The following CDK6 variants were observed in gnomAD, a reference collection of about 807,000 sequenced individuals.
The protein encoded by CDK6 is cyclin-dependent kinase 6.
Under a neutral mutation model 37.1 loss-of-function variants are expected in CDK6, and 6 were observed. That is an observed-to-expected ratio of 0.16 (90% confidence interval 0.09 to 0.32). The LOEUF is 0.32. CDK6 is among the 10% of genes least tolerant of loss of function. CDK6 has a pLI of 1.00. For synonymous variants in CDK6, 160 were observed against 161.3 expected (o/e 0.99, Z 0.06); for missense variants, 224 against 418.9 (o/e 0.53, Z 4.06).
rs145788268 is a variant in CDK6 at position 92,697,066 on chromosome 7, T to C, written c.538-25531A>G. On this transcript the variant is annotated intron_variant, in intron 4 of 7. Coordinates refer to ENST00000424848, the MANE Select transcript of CDK6 (RefSeq NM_001145306.2). Reference sequence around the variant, plus strand: ...TGTATACTATAGCTGGAAGTCATCTTAGGAATATTTGAGAGAACTGTTTTT... The same window carrying C: ...TGTATACTATAGCTGGAAGTCATCTCAGGAATATTTGAGAGAACTGTTTTT... 2.0e-5 allele frequency among the ~76,000 whole-genome samples: 3 copies of C among 152,308 alleles called. No individual in the cohort carries two copies. The East Asian group carries it at 5.8e-4, about 29-fold the overall frequency.
rs1001350131 is a variant in CDK6, at chr7:92,778,170, G to A, written c.234-3339C>T. Among the ~76,000 whole-genome samples, 2 of 151,570 alleles carry A rather than the reference G, an allele frequency of 1.3e-5. 1 individual carries two copies. Among genetic ancestry groups the A allele is most frequent in the Non-Finnish European group, 2.9e-5 (2 of 67,916 alleles). On this transcript the variant is annotated intron_variant, in intron 2 of 7. Transcript: ENST00000424848. ...ACTGTAATTAGGTTAAATCTGGCAG[G>A]TCAAAAAACAGAACACCAACAACTA...
At chr7:92,782,037 G>A (rs1296859730) in intron 2 of CDK6, among the ~76,000 whole-genome samples, 1 of 152,150 alleles carries the variant, frequency 6.6e-6, no homozygotes, top group African/African-American at 2.4e-5. Flanking sequence ...ACAATAATGT[G>A]CATGCTGCTA....
Position 92,811,783 on chromosome 7 carries a change from T to C in CDK6, c.233+21308A>G, listed in dbSNP as rs572804210. 1.7e-3 allele frequency among the ~76,000 whole-genome samples: 263 copies of C among 152,198 alleles called. 1 individual carries two copies. The highest frequency in any genetic ancestry group is 3.0e-3 in the Non-Finnish European group (207 of 68,002). On this transcript the variant is annotated intron_variant, in intron 2 of 7. Coordinates refer to ENST00000424848, the MANE Select transcript of CDK6 (RefSeq NM_001145306.2). Reference sequence around the variant, plus strand: ...TTGTCAAGTTCTGCCACCAATCCTATTAACAAAACCACCCCCCTACAAAAT... The same window carrying C: ...TTGTCAAGTTCTGCCACCAATCCTACTAACAAAACCACCCCCCTACAAAAT...
At chr7:92,809,234 C>T (rs536765947) in intron 2 of CDK6, among the ~76,000 whole-genome samples, 1 of 152,220 alleles carries the variant, frequency 6.6e-6, no homozygotes, top group South Asian at 2.1e-4. Flanking sequence ...CCCAGGAAAA[C>T]TCAGGCTTAA....
chr7:92,771,320 T>C (rs1422559413), intron 3 of CDK6, among the ~76,000 whole-genome samples: 3 of 150,250 alleles, frequency 2.0e-5, no homozygotes, highest in Admixed American at 6.6e-5. Context: ...AAATAAAATA[T>C]CTTAGACACG....
At chr7:92,767,866 G>C (rs980157810) in intron 3 of CDK6, among the ~76,000 whole-genome samples, 1 of 151,956 alleles carries the variant, frequency 6.6e-6, no homozygotes, top group Non-Finnish European at 1.5e-5. Flanking sequence ...CAGAATATAG[G>C]TCACATTCCT....
chr7:92,730,656 G>A (rs1585436939), intron 3 of CDK6, among the ~76,000 whole-genome samples: 2 of 152,114 alleles, frequency 1.3e-5, no homozygotes, highest in Admixed American at 1.3e-4. Flanking sequence ...TGAGTGGCTC[G>A]CCTCAGTTAA....
At chr7:92,714,205 CA>C (rs1562944305) in intron 4 of CDK6, among the ~76,000 whole-genome samples, 1 of 152,106 alleles carries the variant, frequency 6.6e-6, no homozygotes, top group Admixed American at 6.5e-5. Context: ...GGGAGTTGGG[CA>C]GACTTCAGAG....
chr7:92,695,773 G>C (rs1797703930), intron 4 of CDK6, among the ~76,000 whole-genome samples: 1 of 152,222 alleles, frequency 6.6e-6, no homozygotes, highest in Admixed American at 6.5e-5. Context: ...AAGGCAGGCT[G>C]AAAGGCTCAG....
rs958704148 is a variant in CDK6 at position 92,611,603 on chromosome 7, C to G, written c.*3537G>C. 1 of 228,730 alleles carries G rather than the reference C, an allele frequency of 4.4e-6. No homozygotes were observed. The highest frequency in any genetic ancestry group is 2.2e-5 in the African/African-American group (1 of 45,082). 14.2% of individuals were successfully genotyped at this position (228,730 alleles called of 1,614,324 possible). The stretch of plus-strand genomic sequence containing the variant: ...AAGCAGCTACAGTTTCTTAAACACT[C>G]ACTTTAAATACATAATTTAAAGTTC... On this transcript the variant is annotated 3_prime_UTR_variant, in exon 8 of 8. Coordinates refer to ENST00000424848, the MANE Select transcript of CDK6 (RefSeq NM_001145306.2).
chr7:92,781,218 C>T (rs1237572064), intron 2 of CDK6, among the ~76,000 whole-genome samples: 1 of 152,212 alleles, frequency 6.6e-6, no homozygotes, highest in Admixed American at 6.5e-5. Context: ...ATTAAGTTGG[C>T]CAAGCCCCTA....
rs1035318342 is a variant in CDK6 at position 92,833,727 on chromosome 7, A to G, written c.-367-37T>C. Reference sequence around the variant, plus strand: ...GACGGGAGGATAAGAAGAAAGTGCAATCAGACAGCCCAGAAGCCTTCCTCG... The same window carrying G: ...GACGGGAGGATAAGAAGAAAGTGCAGTCAGACAGCCCAGAAGCCTTCCTCG... On this transcript the variant is annotated intron_variant, in intron 1 of 7. Coordinates refer to ENST00000424848, the MANE Select transcript of CDK6 (RefSeq NM_001145306.2). The surrounding 1 kb of genome is among the most constrained non-coding windows in gnomAD (Gnocchi z 6.1). 15 of 430,766 alleles carry G rather than the reference A, an allele frequency of 3.5e-5. No homozygotes were observed. Among genetic ancestry groups the G allele is most frequent in the Middle Eastern group, 5.7e-4 (1 of 1,756 alleles). 26.7% of individuals were successfully genotyped at this position (430,766 alleles called of 1,614,324 possible). A position where few individuals can be genotyped will look rare whatever the true frequency, so the allele number is the denominator to read the frequency against.
rs1383342222 is a variant in CDK6, at chr7:92,608,651, T to G, written c.*6489A>C. ...TACCGCATCTCTTTTTACCCGAACTTTCGGAGAATTGTGTTGTACTTATTT... is the reference window on the plus strand; with the variant it reads ...TACCGCATCTCTTTTTACCCGAACTGTCGGAGAATTGTGTTGTACTTATTT... On this transcript the variant is annotated 3_prime_UTR_variant, in exon 8 of 8. Transcript: ENST00000424848. 1 of 231,684 alleles carries G rather than the reference T, an allele frequency of 4.3e-6. No homozygotes were observed. Among genetic ancestry groups the G allele is most frequent in the Non-Finnish European group, 8.5e-6 (1 of 117,148 alleles). The allele number at this position is 231,684 out of a possible 1,614,324, so 14.4% of individuals were successfully genotyped here.
intron 5 of CDK6, among the ~76,000 whole-genome samples, chr7:92,629,363 C>A (rs1396714189): frequency 1.3e-5 from 2 of 151,990 alleles, no homozygotes; most frequent in Non-Finnish European, 2.9e-5. Flanking sequence ...CCACAGAGGG[C>A]TCATATTTAC....
chr7:92,697,785 C>A (rs892787957), intron 4 of CDK6, among the ~76,000 whole-genome samples: 1 of 152,162 alleles, frequency 6.6e-6, no homozygotes, highest in Non-Finnish European at 1.5e-5. Flanking sequence ...AATTAAAAGT[C>A]ACATATGACT....
intron 3 of CDK6, among the ~76,000 whole-genome samples, chr7:92,738,197 C>G (rs367852144): frequency 5.4e-4 from 82 of 152,080 alleles, no homozygotes; most frequent in African/African-American, 2.0e-3. Context: ...TCTGGGTGGT[C>G]ACAACTAGTC....
chr7:92,809,418 A>G (rs1156373357), intron 2 of CDK6, among the ~76,000 whole-genome samples: 3 of 152,220 alleles, frequency 2.0e-5, no homozygotes. Flanking sequence ...CCATTCAGAA[A>G]GTGATGAGGG....
chr7:92,629,562 A>C (rs543991022), intron 5 of CDK6, among the ~76,000 whole-genome samples: 1 of 152,286 alleles, frequency 6.6e-6, no homozygotes, highest in South Asian at 2.1e-4. Context: ...AGTCAACTTT[A>C]CATATGACTA....
At chr7:92,760,997 T>G (rs928892376) in intron 3 of CDK6, among the ~76,000 whole-genome samples, 5 of 152,114 alleles carry the variant, frequency 3.3e-5, no homozygotes, top group Non-Finnish European at 5.9e-5. Flanking sequence ...CTTTGCAAAT[T>G]TGTTCATGTT....
Sources: gnomAD v4.1 joint callset for allele counts (sites outside exome capture counted in the v4.1 genomes callset) on GRCh38, gnomAD v4.1.1 for gene constraint, Gnocchi (gnomAD v3.1) non-coding constraint, MANE v1.5 for transcripts, NCBI Gene and HGNC (gene_info 2026-07-23, HGNC 2026-07-21) for gene names.